MIGA1: variants seen among roughly 807,000 people sequenced by gnomAD.
MIGA1 encodes mitoguardin 1.
MIGA1 carries 58 observed loss-of-function variants against 82.0 expected under a neutral mutation model. That is an observed-to-expected ratio of 0.71 (90% CI 0.57 to 0.88). The LOEUF (loss-of-function observed/expected upper bound fraction) is 0.88, where lower values mean the gene tolerates loss of function less well. Ranked by LOEUF, MIGA1 falls within the 40% of genes least tolerant of loss-of-function variation. The pLI is 0.00. For synonymous variants in MIGA1, 249 were observed against 253.6 expected (o/e 0.98, Z 0.17); for missense variants, 751 against 749.1 (o/e 1.00, Z -0.03).
At chr1:77,794,078 C>T (rs1030337748) in intron 2 of MIGA1, among the ~76,000 whole-genome samples, 9 of 152,176 alleles carry the variant, frequency 5.9e-5, no homozygotes, top group South Asian at 2.1e-4. Flanking sequence ...CATGAGCCAC[C>T]GCGCCCGGCC....
intron 10 of MIGA1, 43 bp from the exon 11 acceptor site, chr1:77,859,997 C>T: frequency 7.8e-7 from 1 of 1,286,526 alleles, no homozygotes; most frequent in Non-Finnish European, 1.1e-6. Flanking sequence ...CATTCACATT[C>T]ATTATAGGTC....
chr1:77,780,217 G>A (rs1681844431), intron 1 of MIGA1: 2 of 983,824 alleles, frequency 2.0e-6, no homozygotes, highest in Non-Finnish European at 2.4e-6. Flanking sequence ...GAGGTCTCAG[G>A]TTCGGCTTGG....
At chr1:77,830,593 C>T (rs185696558) in intron 7 of MIGA1, among the ~76,000 whole-genome samples, 58 of 152,210 alleles carry the variant, frequency 3.8e-4, no homozygotes, top group African/African-American at 1.3e-3. Flanking sequence ...CCCCCCTCCC[C>T]GCAACCCTGC....
At chr1:77,867,770 T>C (rs1015684015) in intron 14 of MIGA1, among the ~76,000 whole-genome samples, 3 of 152,254 alleles carry the variant, frequency 2.0e-5, no homozygotes, top group Admixed American at 6.5e-5. Flanking sequence ...TTCAATCTTA[T>C]AACTTTGAGA....
intron 6 of MIGA1, 95 bp downstream of exon 6, chr1:77,813,962 C>G (rs1029739359): frequency 7.5e-7 from 1 of 1,334,292 alleles, no homozygotes; most frequent in East Asian, 2.4e-5. Context: ...CTGTTGTTAC[C>G]CAGGCTGAGT....
At chr1:77,836,622 C>T (rs1371885517) in intron 7 of MIGA1, among the ~76,000 whole-genome samples, 1 of 152,128 alleles carries the variant, frequency 6.6e-6, no homozygotes, top group Non-Finnish European at 1.5e-5. Context: ...TTAACTTTTG[C>T]AACAACTCTA....
chr1:77,815,655 A>G (rs1365746293), intron 7 of MIGA1, among the ~76,000 whole-genome samples: 2 of 152,258 alleles, frequency 1.3e-5, no homozygotes, highest in Non-Finnish European at 2.9e-5. Context: ...AATAGTCAGT[A>G]CATACATCGT....
Position 77,861,244 on chromosome 1 carries a change from TG to T in MIGA1, c.1297del (p.Val433PhefsTer5). 2 of 1,611,606 alleles carry T rather than the reference TG, an allele frequency of 1.2e-6. No individual in the cohort carries two copies. The highest frequency in any genetic ancestry group is 1.7e-6 in the Non-Finnish European group (2 of 1,178,126). On this transcript the variant is annotated frameshift_variant, in exon 12 of 16. Coordinates refer to ENST00000370791, the MANE Select transcript of MIGA1 (RefSeq NM_198549.4). LOFTEE classifies it high-confidence loss of function. ...TTCAGAATCCAAAGAAGTTTGAAGA[TG>T]TTTTTGATGAAATGATCTATTTTTT... is the stretch of plus-strand genomic sequence containing the variant.
intron 1 of MIGA1, among the ~76,000 whole-genome samples, chr1:77,781,706 A>G (rs980729864): frequency 1.3e-5 from 2 of 152,214 alleles, no homozygotes; most frequent in African/African-American, 2.4e-5. Context: ...AAGTAGAACT[A>G]ACTATACTGA....
Position 77,875,173 on chromosome 1 carries a change from G to A in MIGA1, c.*109G>A. Reference sequence around the variant, plus strand: ...ACAGAATTGATGCATGTGGATTCAGGGAGGAAAAAAAAATCTACTAAAAAA... The same window carrying A: ...ACAGAATTGATGCATGTGGATTCAGAGAGGAAAAAAAAATCTACTAAAAAA... On this transcript the variant is annotated 3_prime_UTR_variant, in exon 16 of 16. Coordinates refer to ENST00000370791, the MANE Select transcript of MIGA1 (RefSeq NM_198549.4). 3.5e-6 allele frequency: 3 copies of A among 864,958 alleles called. No homozygotes were observed. Among genetic ancestry groups the A allele is most frequent in the African/African-American group, 1.7e-5 (1 of 58,316 alleles). 53.6% of individuals were successfully genotyped at this position (864,958 alleles called of 1,614,324 possible). A position where few individuals can be genotyped will look rare whatever the true frequency, so the allele number is the denominator to read the frequency against.
intron 8 of MIGA1, among the ~76,000 whole-genome samples, chr1:77,850,994 C>CA (rs1241183811): frequency 6.6e-6 from 1 of 152,142 alleles, no homozygotes; most frequent in African/African-American, 2.4e-5. Flanking sequence ...CTCAGCCTCC[C>CA]AAGTAGCTGG....
At chr1:77,837,658 G>A (rs1330645927) in intron 7 of MIGA1, among the ~76,000 whole-genome samples, 1 of 152,174 alleles carries the variant, frequency 6.6e-6, no homozygotes, top group Non-Finnish European at 1.5e-5. Flanking sequence ...CGCTTCTATT[G>A]TTATGATTAA....
At chr1:77,779,987 A>G in intron 1 of MIGA1, 1 of 1,259,942 alleles carries the variant, frequency 7.9e-7, no homozygotes, top group Non-Finnish European at 1.0e-6. Flanking sequence ...TGCATAGGAA[A>G]GCAGGAGGGT....
At chr1:77,811,445 G>A (rs537388812) in intron 5 of MIGA1, 2 of 1,550,932 alleles carry the variant, frequency 1.3e-6, no homozygotes, top group East Asian at 2.2e-5. Context: ...GGGACAGGCT[G>A]AACATCAAAT....
chr1:77,784,553 A>G (rs1682061930), intron 2 of MIGA1, among the ~76,000 whole-genome samples: 1 of 152,234 alleles, frequency 6.6e-6, no homozygotes, highest in Admixed American at 6.5e-5. Flanking sequence ...AGGAACTGCC[A>G]TACTGTTTTT....
chr1:77,866,219 A>T, intron 13 of MIGA1, 119 bp from the exon 14 acceptor site: 2 of 885,778 alleles, frequency 2.3e-6, no homozygotes, highest in Non-Finnish European at 3.5e-6. Flanking sequence ...CCGGCCGACT[A>T]GTTCTTATTA....
In MIGA1 at chr1:77,875,275, T is replaced by G; in HGVS notation, c.*211T>G. The G allele has an allele frequency of 2.1e-6, 1 of 476,238 alleles. No homozygotes were observed. The highest frequency in any genetic ancestry group is 3.7e-6 in the Non-Finnish European group (1 of 269,402). The allele number at this position is 476,238 out of a possible 1,614,324, so 29.5% of individuals were successfully genotyped here. A position where few individuals can be genotyped will look rare whatever the true frequency, so the allele number is the denominator to read the frequency against. ...AGTGTAGTCATAGTGGCTTTTTGCA[T>G]TCATTAGGTAATAATTGAAGTCATG... is the stretch of plus-strand genomic sequence containing the variant. On this transcript the variant is annotated 3_prime_UTR_variant, in exon 16 of 16. Transcript: ENST00000370791.
intron 7 of MIGA1, among the ~76,000 whole-genome samples, chr1:77,839,202 C>T (rs1036038713): frequency 9.2e-5 from 14 of 151,970 alleles, no homozygotes; most frequent in African/African-American, 1.2e-4. Context: ...TTCCACTGAC[C>T]GTACATCCTC....
intron 2 of MIGA1, among the ~76,000 whole-genome samples, chr1:77,798,502 T>C (rs993583549): frequency 6.6e-6 from 1 of 152,204 alleles, no homozygotes; most frequent in Non-Finnish European, 1.5e-5. Flanking sequence ...TTTCCCCTTA[T>C]AAAAGCATCA....
Sources: gnomAD v4.1 joint callset for allele counts (sites outside exome capture counted in the v4.1 genomes callset) on GRCh38, gnomAD v4.1.1 for gene constraint, MANE v1.5 for transcripts, NCBI Gene and HGNC (gene_info 2026-07-23, HGNC 2026-07-21) for gene names.